The following CDC42BPA variants were observed in gnomAD, a reference collection of about 807,000 sequenced individuals.
CDC42BPA encodes CDC42 binding protein kinase alpha, also known as serine/threonine-protein kinase MRCK alpha.
In CDC42BPA, 80 loss-of-function variants were observed where a neutral mutation model predicts 223.5. That is an observed-to-expected ratio of 0.36 (90% confidence interval 0.30 to 0.43). CDC42BPA has a LOEUF of 0.43. CDC42BPA is among the 20% of genes least tolerant of loss of function. CDC42BPA has a pLI of 1.00. For synonymous variants in CDC42BPA, 694 were observed against 718.6 expected (o/e 0.97, Z 0.55); for missense variants, 1,743 against 2,099.9 (o/e 0.83, Z 3.32).
At chr1:227,006,540 T>C (rs1417025562) in intron 34 of CDC42BPA, among the ~76,000 whole-genome samples, 3 of 152,350 alleles carry the variant, frequency 2.0e-5, no homozygotes, top group East Asian at 3.9e-4. Context: ...AGCAAGCATG[T>C]AGCCCAGTCC....
chr1:227,274,015 A>T (rs1422190818), intron 1 of CDC42BPA, among the ~76,000 whole-genome samples: 1 of 149,040 alleles, frequency 6.7e-6, no homozygotes, highest in East Asian at 1.9e-4. Flanking sequence ...AAAAAAAAAA[A>T]AAAAAAGGAA....
intron 11 of CDC42BPA, among the ~76,000 whole-genome samples, chr1:227,124,198 A>C (rs1187998747): frequency 6.6e-6 from 1 of 152,156 alleles, no homozygotes; most frequent in East Asian, 1.9e-4. Context: ...TATGGTAAAG[A>C]AGCAAATATT....
Position 227,101,184 on chromosome 1 carries a change from A to G in CDC42BPA, c.2057T>C (p.Ile686Thr). The part of the protein sequence containing the change: ...GVCSIEHQQE[I>T]TKLKTDLEKK... Reference sequence around the variant, plus strand: ...TTCCAAATCAGTCTTTAGTTTGGTTATCTCTTGCTGATGTTCTATGCTGCA... The same window carrying G: ...TTCCAAATCAGTCTTTAGTTTGGTTGTCTCTTGCTGATGTTCTATGCTGCA... Residue 686 changes from isoleucine (I) to threonine (T), a missense_variant, in exon 15 of 37, where the codon ATA becomes ACA. Ile to Thr is a moderately conservative substitution (Grantham distance 89, BLOSUM62 -1). Transcript: ENST00000366766. The G allele has an allele frequency of 6.2e-7, 1 of 1,602,090 alleles. No homozygotes were observed. The highest frequency in any genetic ancestry group is 8.5e-7 in the Non-Finnish European group (1 of 1,170,054).
At chr1:227,132,210 C>T (rs1393242753) in intron 10 of CDC42BPA, among the ~76,000 whole-genome samples, 1 of 151,834 alleles carries the variant, frequency 6.6e-6, no homozygotes, top group Non-Finnish European at 1.5e-5. Context: ...GAGAGTACTG[C>T]TACCATCTCG....
At chr1:227,115,883 A>AC (rs773336134) in intron 12 of CDC42BPA, among the ~76,000 whole-genome samples, 6 of 151,856 alleles carry the variant, frequency 4.0e-5, no homozygotes, top group African/African-American at 1.2e-4. Flanking sequence ...AAAAAAAAAA[A>AC]CACGTCAATC....
In CDC42BPA at chr1:226,991,644, G is replaced by C. The variant is rs1046261163; in HGVS notation, c.*2624C>G. On this transcript the variant is annotated 3_prime_UTR_variant, in exon 37 of 37. Transcript: ENST00000366766. ...AGTGCCATGGTGCAATCCATGGGGT[G>C]AATATGGACAAGTCGCCCAGTTAGC... 1 of 152,124 alleles carries C rather than the reference G, an allele frequency of 6.6e-6. No individual in the cohort carries two copies. The allele number at this position is 152,124 out of a possible 1,614,324, so 9.4% of individuals were successfully genotyped here.
intron 14 of CDC42BPA, among the ~76,000 whole-genome samples, chr1:227,109,484 GCCA>G (rs1185725208): frequency 1.3e-5 from 2 of 152,014 alleles, no homozygotes; most frequent in African/African-American, 4.8e-5. Context: ...TCGTGCCTCA[GCCA>G]CCAGAGTAGC....
At chr1:227,162,469 G>A (rs77082751) in intron 5 of CDC42BPA, among the ~76,000 whole-genome samples, 4,814 of 152,140 alleles carry the variant, frequency 0.032, 227 homozygotes, top group African/African-American at 0.11. Flanking sequence ...TTTTTAAAAT[G>A]TCTTTATAAA....
intron 2 of CDC42BPA, among the ~76,000 whole-genome samples, chr1:227,221,922 A>G (rs985453087): frequency 6.6e-6 from 1 of 151,902 alleles, no homozygotes; most frequent in Non-Finnish European, 1.5e-5. Context: ...AACTGGCTAC[A>G]AAGAAATTAT....
intron 11 of CDC42BPA, among the ~76,000 whole-genome samples, chr1:227,120,872 G>A (rs904334934): frequency 3.9e-5 from 6 of 152,134 alleles, no homozygotes; most frequent in Admixed American, 3.3e-4. Flanking sequence ...CACAGCCCAG[G>A]AGTCCGGGAG....
chr1:227,308,815 T>C (rs973794419), intron 1 of CDC42BPA, among the ~76,000 whole-genome samples: 5 of 152,204 alleles, frequency 3.3e-5, no homozygotes, highest in Non-Finnish European at 7.3e-5. Context: ...GGAAACTGGA[T>C]TAAGTGTTAT....
At chr1:227,239,474 T>G (rs1383340039) in intron 2 of CDC42BPA, among the ~76,000 whole-genome samples, 1 of 152,152 alleles carries the variant, frequency 6.6e-6, no homozygotes, top group Admixed American at 6.5e-5. Context: ...AATGTACCAT[T>G]CTGGTTCAGT....
intron 10 of CDC42BPA, among the ~76,000 whole-genome samples, chr1:227,136,059 A>G (rs1336102179): frequency 1.4e-5 from 2 of 146,484 alleles, no homozygotes; most frequent in Non-Finnish European, 3.0e-5. Context: ...GACAAATGAA[A>G]GAAAAAAACA....
rs754134545 is a variant in CDC42BPA at position 227,026,166 on chromosome 1, A to AG, written c.4433-15dup. On this transcript the variant is annotated splice_polypyrimidine_tract_variant and intron_variant, in intron 30 of 36. Coordinates refer to ENST00000366766, the MANE Select transcript of CDC42BPA (RefSeq NM_001394014.1). Reference sequence around the variant, plus strand: ...GTGCATTGTAACCTGGGAGAAGGGAAGGGGGGGCAGCTTGCGGATTACTTT... The same window carrying AG: ...GTGCATTGTAACCTGGGAGAAGGGAAGGGGGGGGCAGCTTGCGGATTACTTT... The AG allele has an allele frequency of 2.9e-5, 41 of 1,419,282 alleles. No individual in the cohort carries two copies. Among genetic ancestry groups the AG allele is most frequent in the Middle Eastern group, 1.8e-4 (1 of 5,680 alleles). 87.9% of individuals were successfully genotyped at this position (1,419,282 alleles called of 1,614,324 possible).
chr1:227,081,291 T>C lies in CDC42BPA; in HGVS notation c.2356-274A>G, dbSNP rs563595293. Among the ~76,000 whole-genome samples the C allele has an allele frequency of 1.2e-3, 188 of 151,910 alleles. 1 individual carries two copies. Among genetic ancestry groups the C allele is most frequent in the South Asian group, 4.8e-3 (23 of 4,810 alleles). On this transcript the variant is annotated intron_variant, in intron 16 of 36. Coordinates refer to ENST00000366766, the MANE Select transcript of CDC42BPA (RefSeq NM_001394014.1). Reference sequence around the variant, plus strand: ...TTCTGTTGGTAATAGCTTTTTTTTTTCTCCAAAAATGTCTTTATGTCATTT... The same window carrying C: ...TTCTGTTGGTAATAGCTTTTTTTTTCCTCCAAAAATGTCTTTATGTCATTT...
At chr1:227,007,991 T>G (rs1441686241) in intron 34 of CDC42BPA, among the ~76,000 whole-genome samples, 6 of 152,190 alleles carry the variant, frequency 3.9e-5, no homozygotes, top group African/African-American at 1.4e-4. Context: ...GGTCCTCAGC[T>G]TTTGGGCTGA....
intron 3 of CDC42BPA, among the ~76,000 whole-genome samples, chr1:227,212,554 T>C (rs1674114476): frequency 6.6e-6 from 1 of 152,006 alleles, no homozygotes; most frequent in Admixed American, 6.6e-5. Flanking sequence ...TCCAAATCTA[T>C]GTGTGACAGC....
chr1:227,212,439 G>A (rs1007163678), intron 3 of CDC42BPA, among the ~76,000 whole-genome samples: 9 of 152,022 alleles, frequency 5.9e-5, no homozygotes, highest in Non-Finnish European at 1.0e-4. Flanking sequence ...AATACTGACA[G>A]AATTCTACAC....
Position 226,993,162 on chromosome 1 carries a change from T to TA in CDC42BPA, c.*1105dup, listed in dbSNP as rs1385602332. The stretch of plus-strand genomic sequence containing the variant: ...CTGGGACAGACACCTCGCTGTGACT[T>TA]AGGGAGGGACAGGATTAGCCCAGGA... On this transcript the variant is annotated 3_prime_UTR_variant, in exon 37 of 37. Coordinates refer to ENST00000366766, the MANE Select transcript of CDC42BPA (RefSeq NM_001394014.1). 1 of 152,216 alleles carries TA rather than the reference T, an allele frequency of 6.6e-6. No homozygotes were observed. Among genetic ancestry groups the TA allele is most frequent in the Admixed American group, 6.5e-5 (1 of 15,282 alleles). 9.4% of individuals were successfully genotyped at this position (152,216 alleles called of 1,614,324 possible). A position where few individuals can be genotyped will look rare whatever the true frequency, so the allele number is the denominator to read the frequency against.
Sources: allele counts gnomAD v4.1 joint callset (sites outside exome capture counted in the v4.1 genomes callset), GRCh38; gene constraint gnomAD v4.1.1; transcripts MANE v1.5; gene names NCBI Gene and HGNC (gene_info 2026-07-23, HGNC 2026-07-21).